FAF1: variants seen among roughly 807,000 people sequenced by gnomAD.
FAF1 encodes FAS-associated factor 1.
A neutral mutation model predicts 92.5 loss-of-function variants in FAF1; 25 were observed. The ratio of observed to expected loss-of-function variants is 0.27; its 90% confidence interval spans 0.20 to 0.38. The LOEUF (loss-of-function observed/expected upper bound fraction) is 0.38. Ranked by LOEUF, FAF1 falls within the 10% of genes least tolerant of loss-of-function variation. The pLI, the probability that FAF1 is intolerant of heterozygous loss-of-function variation, is 1.00. For synonymous variants in FAF1, 234 were observed against 273.2 expected (o/e 0.86, Z 1.42); for missense variants, 636 against 793.3 (o/e 0.80, Z 2.38).
At chr1:50,472,099 G>C (rs1646580193) in intron 18 of FAF1, among the ~76,000 whole-genome samples, 1 of 152,016 alleles carries the variant, frequency 6.6e-6, no homozygotes, top group Admixed American at 6.6e-5. Context: ...CTATGTTTGG[G>C]CTACCGTAGG....
chr1:50,700,151 C>T (rs1419266899), intron 7 of FAF1, among the ~76,000 whole-genome samples: 1 of 147,636 alleles, frequency 6.8e-6, no homozygotes, highest in East Asian at 2.0e-4. Context: ...TCATACCCCC[C>T]TTTTTTTTTT....
intron 1 of FAF1, among the ~76,000 whole-genome samples, chr1:50,938,342 G>A (rs1284335685): frequency 6.6e-6 from 1 of 152,216 alleles, no homozygotes; most frequent in African/African-American, 2.4e-5. Flanking sequence ...CAGTAGGAAT[G>A]TATATGAAAC....
intron 7 of FAF1, among the ~76,000 whole-genome samples, chr1:50,691,391 C>T (rs1188379747): frequency 6.6e-6 from 1 of 151,936 alleles, no homozygotes; most frequent in Non-Finnish European, 1.5e-5. Flanking sequence ...TGCAGGCATG[C>T]ACCACAATGT....
intron 2 of FAF1, among the ~76,000 whole-genome samples, chr1:50,817,576 A>G (rs1418608129): frequency 6.6e-6 from 1 of 152,242 alleles, no homozygotes; most frequent in East Asian, 1.9e-4. Flanking sequence ...ATGGTTGCAT[A>G]AAATTATGAA....
intron 2 of FAF1, among the ~76,000 whole-genome samples, chr1:50,849,563 C>A (rs1644330915): frequency 6.6e-6 from 1 of 151,980 alleles, no homozygotes; most frequent in South Asian, 2.1e-4. Flanking sequence ...ATTGGACTTG[C>A]CACACTCCTA....
At chr1:50,787,440 G>C (rs184188818) in intron 4 of FAF1, among the ~76,000 whole-genome samples, 1 of 152,234 alleles carries the variant, frequency 6.6e-6, no homozygotes, top group East Asian at 1.9e-4. Context: ...TTGCCCTTCT[G>C]GTTTCTGTCA....
At chr1:50,883,588 CTGGA>C (rs1644631454) in intron 1 of FAF1, among the ~76,000 whole-genome samples, 2 of 152,158 alleles carry the variant, frequency 1.3e-5, no homozygotes, top group African/African-American at 4.8e-5. Flanking sequence ...CAAGACTATC[CTGGA>C]CCCCTCACAA....
intron 15 of FAF1, among the ~76,000 whole-genome samples, chr1:50,495,541 G>C (rs1180868853): frequency 6.6e-6 from 1 of 152,016 alleles, no homozygotes; most frequent in Non-Finnish European, 1.5e-5. Context: ...TCCAAATCTT[G>C]GCTACTGTGA....
chr1:50,884,156 T>G (rs1158685479), intron 1 of FAF1, among the ~76,000 whole-genome samples: 1 of 152,022 alleles, frequency 6.6e-6, no homozygotes, highest in Admixed American at 6.6e-5. Context: ...TACAAGTTAC[T>G]TTCAAACAAC....
At chr1:50,758,428 G>C (rs1660170937) in intron 4 of FAF1, among the ~76,000 whole-genome samples, 1 of 152,218 alleles carries the variant, frequency 6.6e-6, no homozygotes, top group Non-Finnish European at 1.5e-5. Context: ...AATACTTCTA[G>C]TTCCCTTTCC....
intron 8 of FAF1, among the ~76,000 whole-genome samples, chr1:50,616,872 G>A (rs1652937761): frequency 6.6e-6 from 1 of 152,044 alleles, no homozygotes; most frequent in Admixed American, 6.6e-5. Flanking sequence ...GTAGAGTCAG[G>A]ATTTGGCCAT....
chr1:50,657,939 C>A (rs1213747972), intron 7 of FAF1, among the ~76,000 whole-genome samples: 1 of 152,074 alleles, frequency 6.6e-6, no homozygotes, highest in African/African-American at 2.4e-5. Flanking sequence ...GTCTACCATG[C>A]AATATTTTGT....
chr1:50,567,984 T>C (rs189038777), intron 12 of FAF1, among the ~76,000 whole-genome samples: 1 of 152,122 alleles, frequency 6.6e-6, no homozygotes, highest in Non-Finnish European at 1.5e-5. Flanking sequence ...TCTGTCATAG[T>C]TGGATACTCA....
intron 15 of FAF1, among the ~76,000 whole-genome samples, chr1:50,510,490 G>A (rs1647120392): frequency 6.6e-6 from 1 of 152,094 alleles, no homozygotes; most frequent in Non-Finnish European, 1.5e-5. Context: ...ATAATTACAT[G>A]AACATGAGCC....
At chr1:50,540,655 G>C (rs1648716429) in intron 13 of FAF1, among the ~76,000 whole-genome samples, 1 of 152,210 alleles carries the variant, frequency 6.6e-6, no homozygotes, top group Admixed American at 6.5e-5. Context: ...TTAGAGGACT[G>C]TTTGAAATTA....
intron 2 of FAF1, among the ~76,000 whole-genome samples, chr1:50,806,336 GTTAAA>G (rs757010971): frequency 1.6e-4 from 24 of 152,128 alleles, no homozygotes; most frequent in Non-Finnish European, 2.4e-4. Flanking sequence ...ACACCCAATG[GTTAAA>G]TTAAATCAGA....
At chr1:50,665,255 A>T (rs1655568549) in intron 7 of FAF1, among the ~76,000 whole-genome samples, 1 of 152,244 alleles carries the variant, frequency 6.6e-6, no homozygotes, top group African/African-American at 2.4e-5. Context: ...ACATGAATCA[A>T]GAAATACTGT....
At chr1:50,560,174 A>G (rs996308647) in intron 13 of FAF1, among the ~76,000 whole-genome samples, 2 of 152,216 alleles carry the variant, frequency 1.3e-5, no homozygotes, top group Non-Finnish European at 2.9e-5. Flanking sequence ...TGAACCACTG[A>G]GTAGTTTGGA....
At chr1:50,874,744 A>C (rs866959295) in intron 1 of FAF1, among the ~76,000 whole-genome samples, 1 of 67,368 alleles carries the variant, frequency 1.5e-5, no homozygotes, top group Non-Finnish European at 3.2e-5. Flanking sequence ...TCTCCATCTT[A>C]TTTTCTTTTC....
Sources: gnomAD v4.1 joint callset for allele counts (sites outside exome capture counted in the v4.1 genomes callset) on GRCh38, gnomAD v4.1.1 for gene constraint, MANE v1.5 for transcripts, NCBI Gene and HGNC (gene_info 2026-07-23, HGNC 2026-07-21) for gene names.